The following CDR2L variants were observed in gnomAD, a reference collection of about 807,000 sequenced individuals.
The protein encoded by CDR2L is cerebellar degeneration-related protein 2-like.
In CDR2L, 19 loss-of-function variants were observed where a neutral mutation model predicts 36.1. The observed-to-expected ratio is 0.53, with a 90% CI of 0.37 to 0.77. CDR2L has a LOEUF of 0.77. CDR2L is among the 30% of genes least tolerant of loss of function. The pLI is 0.00. For synonymous variants in CDR2L, 285 were observed against 280.4 expected (o/e 1.02, Z -0.16); for missense variants, 575 against 627.2 (o/e 0.92, Z 0.89).
At position 75,004,113 on chromosome 17, in the gene CDR2L, G is replaced by T; in HGVS notation, c.*39G>T. 2 of 1,544,272 alleles carry T rather than the reference G, an allele frequency of 1.3e-6. No individual in the cohort carries two copies. The highest frequency in any genetic ancestry group is 1.8e-6 in the Non-Finnish European group (2 of 1,141,444). Reference sequence around the variant, plus strand: ...TGCAGCCTCCCCCAGGGTGGAAGCCGTGGGGTCCCTCAGGCCTGGGCGGTG... The same window carrying T: ...TGCAGCCTCCCCCAGGGTGGAAGCCTTGGGGTCCCTCAGGCCTGGGCGGTG... On this transcript the variant is annotated 3_prime_UTR_variant, in exon 5 of 5. Coordinates refer to ENST00000337231, the MANE Select transcript of CDR2L (RefSeq NM_014603.3).
At chr17:74,998,147 C>T (rs1298024661) in intron 1 of CDR2L, among the ~76,000 whole-genome samples, 1 of 151,932 alleles carries the variant, frequency 6.6e-6, no homozygotes, top group Non-Finnish European at 1.5e-5. Flanking sequence ...TTAGCGTGAA[C>T]CTGGGAGGCG....
chr17:75,003,933 C>A lies in CDR2L; in HGVS notation c.1257C>A (p.Ser419Arg). Residue 419 changes from serine (S) to arginine (R), a missense_variant, in exon 5 of 5, where the codon AGC becomes AGA. Ser to Arg is a moderately radical substitution (Grantham distance 110). Transcript: ENST00000337231. ...GEVKAGEKSL[S>R]QHVEAVDKRL... is the part of the protein sequence containing the mutation. ...TCAAGGCAGGAGAGAAGAGCCTGAG[C>A]CAGCACGTGGAGGCCGTGGACAAGC... The A allele has an allele frequency of 6.2e-7, 1 of 1,611,016 alleles. No homozygotes were observed. The highest frequency in any genetic ancestry group is 2.2e-5 in the East Asian group (1 of 44,746).
At chr17:75,001,294 G>A in intron 2 of CDR2L, 47 bp from the exon 3 acceptor site, 2 of 1,548,242 alleles carry the variant, frequency 1.3e-6, no homozygotes, top group Non-Finnish European at 1.7e-6. Context: ...AGAGACATTT[G>A]CCCCTGCCCA....
chr17:74,997,227 C>T (rs1004607687), intron 1 of CDR2L, among the ~76,000 whole-genome samples: 2 of 151,972 alleles, frequency 1.3e-5, no homozygotes, highest in Admixed American at 6.6e-5. Flanking sequence ...TACAGGCTTG[C>T]GCCACCACAC....
intron 1 of CDR2L, among the ~76,000 whole-genome samples, chr17:74,992,801 G>C (rs911907546): frequency 2.0e-5 from 3 of 152,210 alleles, no homozygotes; most frequent in Non-Finnish European, 4.4e-5. Context: ...GGCAACCTTT[G>C]ATGTCTCTGG....
chr17:74,994,618 T>C (rs931241262), intron 1 of CDR2L, among the ~76,000 whole-genome samples: 1 of 152,116 alleles, frequency 6.6e-6, no homozygotes, highest in Non-Finnish European at 1.5e-5. Flanking sequence ...GTTTCATTCT[T>C]TTTTTTTCAG....
rs776906486 is a variant in CDR2L at position 75,002,069 on chromosome 17, C to A, written c.347C>A (p.Thr116Lys). 3 of 1,587,744 alleles carry A rather than the reference C, an allele frequency of 1.9e-6. No homozygotes were observed. Among genetic ancestry groups the A allele is most frequent in the Non-Finnish European group, 2.6e-6 (3 of 1,169,720 alleles). The stretch of plus-strand genomic sequence containing the variant: ...GTCCACCACCCCGCCCCCAGGCTGA[C>A]GGAGACCATTGAGCGCCTCCAGGCT... ...KAAQQKIHGL[T>K]ETIERLQAQV... Residue 116 changes from threonine (T) to lysine (K), a missense_variant, in exon 4 of 5, where the codon ACG (threonine) becomes AAG (lysine). Thr to Lys is a moderately conservative substitution (Grantham distance 78). Transcript: ENST00000337231. This position sits in a 1 kb window ranked among gnomAD's most constrained non-coding sequence, Gnocchi z 4.1.
intron 1 of CDR2L, among the ~76,000 whole-genome samples, chr17:74,993,106 CTT>C (rs1436546490): frequency 3.9e-5 from 6 of 152,154 alleles, no homozygotes; most frequent in Admixed American, 3.9e-4. Context: ...CCTCTGATCT[CTT>C]TCATGTATAT....
At chr17:74,993,373 G>C (rs1014191172) in intron 1 of CDR2L, among the ~76,000 whole-genome samples, 2 of 151,936 alleles carry the variant, frequency 1.3e-5, no homozygotes, top group Admixed American at 6.6e-5. Flanking sequence ...CGCCTCCCAG[G>C]TTCAGGCAAT....
chr17:75,001,679 A>G (rs922582555), intron 3 of CDR2L, among the ~76,000 whole-genome samples, 190 bp downstream of exon 3: 4 of 152,154 alleles, frequency 2.6e-5, no homozygotes, highest in African/African-American at 9.7e-5. Context: ...AGCACCAACT[A>G]TGCACCAGGC....
chr17:75,004,957 C>G lies in CDR2L; in HGVS notation c.*883C>G, dbSNP rs1218763227. On this transcript the variant is annotated 3_prime_UTR_variant, in exon 5 of 5. Coordinates refer to ENST00000337231, the MANE Select transcript of CDR2L (RefSeq NM_014603.3). The stretch of plus-strand genomic sequence containing the variant: ...TCTGACTCCCGTCTCTGTGCTTGCC[C>G]CCATCTCAGGGACCATGATGTCTCA... 6.5e-6 allele frequency: 1 copy of G among 152,980 alleles called. No individual in the cohort carries two copies. Among genetic ancestry groups the G allele is most frequent in the Non-Finnish European group, 1.5e-5 (1 of 68,328 alleles). 9.5% of individuals were successfully genotyped at this position (152,980 alleles called of 1,614,324 possible). A position where few individuals can be genotyped will look rare whatever the true frequency, so the allele number is the denominator to read the frequency against.
intron 1 of CDR2L, among the ~76,000 whole-genome samples, chr17:74,990,961 C>T (rs920758636): frequency 5.3e-5 from 8 of 152,244 alleles, no homozygotes; most frequent in Admixed American, 5.2e-4. Context: ...GCCCAAAGGG[C>T]AGGCCCTGAT....
chr17:74,995,991 C>CTT (rs113729536), intron 1 of CDR2L, among the ~76,000 whole-genome samples: 5 of 146,634 alleles, frequency 3.4e-5, no homozygotes, highest in African/African-American at 9.9e-5. Flanking sequence ...CTGCCTAAAT[C>CTT]TTTTTTTTTT....
chr17:74,997,432 C>G (rs1052280100), intron 1 of CDR2L, among the ~76,000 whole-genome samples: 17 of 152,118 alleles, frequency 1.1e-4, no homozygotes, highest in Non-Finnish European at 2.2e-4. Context: ...CTGAGCCTCC[C>G]GGGGAGAGTG....
intron 1 of CDR2L, 21 bp downstream of exon 1, chr17:74,988,143 G>A (rs1217027742): frequency 1.3e-6 from 2 of 1,487,764 alleles, no homozygotes; most frequent in Non-Finnish European, 1.8e-6. Flanking sequence ...GGGCGACCGG[G>A]ACAGGAAGGC....
chr17:75,003,229 C>A lies in CDR2L; in HGVS notation c.553C>A (p.Pro185Thr). Residue 185 changes from proline (P) to threonine (T), a missense_variant, in exon 5 of 5, where the codon CCG becomes ACG. Coordinates refer to ENST00000337231, the MANE Select transcript of CDR2L (RefSeq NM_014603.3). The stretch of plus-strand genomic sequence containing the variant: ...ACACAGTTCCTCCCTGGAGCTGGGC[C>A]CGCGGCCCCTGGAGCAGGAGAACGA... The part of the protein sequence containing the change: ...RLHSSSLELG[P>T]RPLEQENERL... 1 of 1,565,876 alleles carries A rather than the reference C, an allele frequency of 6.4e-7. No individual in the cohort carries two copies. Among genetic ancestry groups the A allele is most frequent in the Non-Finnish European group, 8.6e-7 (1 of 1,156,224 alleles).
At position 75,003,686 on chromosome 17, in the gene CDR2L, A is replaced by G. The variant is rs2039883686; in HGVS notation, c.1010A>G (p.Asn337Ser). Residue 337 changes from asparagine (N) to serine (S), a missense_variant, in exon 5 of 5, where the codon AAC becomes AGC. By Grantham distance (46) the Asn-to-Ser change is conservative. Transcript: ENST00000337231. ...GACCCAGCCAGCCGGCACGCGGGCA[A>G]CCTCACACTGCACGCCAACAGCGTG... ...AKDPASRHAG[N>S]LTLHANSVRK... The G allele has an allele frequency of 1.4e-6, 2 of 1,463,452 alleles. No homozygotes were observed. Among genetic ancestry groups the G allele is most frequent in the Non-Finnish European group, 1.8e-6 (2 of 1,106,890 alleles). The allele number at this position is 1,463,452 out of a possible 1,614,324, so 90.7% of individuals were successfully genotyped here.
At position 74,987,662 on chromosome 17, in the gene CDR2L, G is replaced by A. The variant is rs2039770787; in HGVS notation, c.-382G>A. 6.4e-6 allele frequency: 1 copy of A among 155,234 alleles called. No individual in the cohort carries two copies. The highest frequency in any genetic ancestry group is 1.4e-5 in the Non-Finnish European group (1 of 70,224). The allele number at this position is 155,234 out of a possible 1,614,324, so 9.6% of individuals were successfully genotyped here. ...GCAGCGGCGGCTCCGGTTGTCGCCGGGCGGGCCAGGAGCAGCGCGGACCCG... is the reference window on the plus strand; with the variant it reads ...GCAGCGGCGGCTCCGGTTGTCGCCGAGCGGGCCAGGAGCAGCGCGGACCCG... On this transcript the variant is annotated 5_prime_UTR_variant, in exon 1 of 5. Coordinates refer to ENST00000337231, the MANE Select transcript of CDR2L (RefSeq NM_014603.3).
rs1319570009 is a variant in CDR2L at position 74,989,927 on chromosome 17, C to T, written c.79+1805C>T. 2.0e-5 allele frequency among the ~76,000 whole-genome samples: 3 copies of T among 152,200 alleles called. No individual in the cohort carries two copies. Among genetic ancestry groups the T allele is most frequent in the Non-Finnish European group, 2.9e-5 (2 of 68,036 alleles). On this transcript the variant is annotated intron_variant, in intron 1 of 4. Transcript: ENST00000337231. The surrounding 1 kb of genome is among the most constrained non-coding windows in gnomAD (Gnocchi z 4.2). The stretch of plus-strand genomic sequence containing the variant: ...GTGCTGGGATTACAGGCGTGAGCCA[C>T]CACGCCCGGCTGGTGGCACAGTATT...
Sources: allele counts gnomAD v4.1 joint callset (sites outside exome capture counted in the v4.1 genomes callset), GRCh38; gene constraint gnomAD v4.1.1; non-coding constraint Gnocchi (gnomAD v3.1); transcripts MANE v1.5; gene names NCBI Gene and HGNC (gene_info 2026-07-23, HGNC 2026-07-21).